Variants in ATP2C1 observed in about 807,000 individuals in gnomAD.
The protein encoded by ATP2C1 is calcium-transporting ATPase type 2C member 1.
Under a neutral mutation model 120.5 loss-of-function variants are expected in ATP2C1, and 31 were observed. That is an observed-to-expected ratio of 0.26 (90% CI 0.19 to 0.35). The LOEUF is 0.35. ATP2C1 is among the 10% of genes least tolerant of loss of function. The pLI, the probability that ATP2C1 is intolerant of heterozygous loss-of-function variation, is 1.00. For missense variants in ATP2C1, 731 were observed against 1,107.5 expected (o/e 0.66, Z 4.83); for synonymous variants, 351 against 358.7 (o/e 0.98, Z 0.24).
At position 130,992,539 on chromosome 3, in the gene ATP2C1, A is replaced by G. The variant is rs73201937; in HGVS notation, c.1840-412A>G. 1.7e-3 allele frequency among the ~76,000 whole-genome samples: 261 copies of G among 152,332 alleles called. 1 individual carries two copies. Among genetic ancestry groups the G allele is most frequent in the Non-Finnish European group, 3.1e-3 (214 of 68,024 alleles). On this transcript the variant is annotated intron_variant, in intron 20 of 27. Coordinates refer to ENST00000510168, the MANE Select transcript of ATP2C1 (RefSeq NM_001378687.1). The stretch of plus-strand genomic sequence containing the variant: ...TTGACACTGTAAAAAATGGCTCTAC[A>G]GACACTGAGAAGCAGCTGTTCTTTA...
At chr3:130,863,060 A>C (rs1202261678) in intron 1 of ATP2C1, among the ~76,000 whole-genome samples, 1 of 152,200 alleles carries the variant, frequency 6.6e-6, no homozygotes, top group African/African-American at 2.4e-5. Flanking sequence ...GTTGGCTTCC[A>C]AGAAAACCCA....
At chr3:130,919,767 A>G (rs1457903861) in intron 2 of ATP2C1, among the ~76,000 whole-genome samples, 2 of 152,344 alleles carry the variant, frequency 1.3e-5, no homozygotes, top group East Asian at 1.9e-4. Flanking sequence ...AGGAAGCTTC[A>G]TACTTTTTTC....
chr3:131,004,028 CTAGAAG>C (rs2063005644), downstream of ATP2C1, among the ~76,000 whole-genome samples: 1 of 152,126 alleles, frequency 6.6e-6, no homozygotes, highest in African/African-American at 2.4e-5. Flanking sequence ...CTGGAGTGTG[CTAGAAG>C]TAGAACGATA....
At chr3:130,980,213 G>A (rs1038193286) in intron 19 of ATP2C1, among the ~76,000 whole-genome samples, 2 of 151,606 alleles carry the variant, frequency 1.3e-5, no homozygotes, top group Admixed American at 6.6e-5. Flanking sequence ...GCCTAGTTTC[G>A]ATTCTTAGGT....
chr3:130,867,753 C>A, intron 1 of ATP2C1, among the ~76,000 whole-genome samples: 1 of 46,190 alleles, frequency 2.2e-5, no homozygotes. Context: ...GGCCACCCAT[C>A]GTCTGGGATA....
intron 2 of ATP2C1, among the ~76,000 whole-genome samples, chr3:130,916,493 G>A (rs1430247809): frequency 6.6e-6 from 1 of 152,106 alleles, no homozygotes; most frequent in Non-Finnish European, 1.5e-5. Context: ...AAAGGTGATT[G>A]ATTAGTAGGG....
chr3:130,912,873 A>T (rs1559913441), intron 2 of ATP2C1, among the ~76,000 whole-genome samples: 1 of 152,118 alleles, frequency 6.6e-6, no homozygotes, highest in African/African-American at 2.4e-5. Flanking sequence ...ACAATGATAG[A>T]CTGGATTAAG....
chr3:130,973,755 T>C (rs1349479274), intron 17 of ATP2C1, among the ~76,000 whole-genome samples: 3 of 152,192 alleles, frequency 2.0e-5, no homozygotes, highest in Non-Finnish European at 4.4e-5. Context: ...ACTACTTTAA[T>C]TTCTTTATAC....
chr3:130,965,249 G>C (rs1302849608), intron 14 of ATP2C1, among the ~76,000 whole-genome samples: 1 of 151,854 alleles, frequency 6.6e-6, no homozygotes, highest in Non-Finnish European at 1.5e-5. Context: ...ATTCCTCCTT[G>C]ACATCTCTCT....
chr3:130,924,537 T>C (rs2059116710), intron 2 of ATP2C1, among the ~76,000 whole-genome samples: 1 of 152,198 alleles, frequency 6.6e-6, no homozygotes, highest in Non-Finnish European at 1.5e-5. Flanking sequence ...TAGGTAATGA[T>C]GACTATGTGC....
rs1212311675 is a variant in ATP2C1, at chr3:130,888,505, ACAATTGGGATGGTC to A, written c.108+37580_108+37593del. Reference sequence around the variant, plus strand: ...GGCTTGCCAAAAAACTCAAGTTCTGACAATTGGGATGGTCCATTCCCCTCTGGCTAGGTCTGGTC... The same window carrying A: ...GGCTTGCCAAAAAACTCAAGTTCTGACATTCCCCTCTGGCTAGGTCTGGTC... On this transcript the variant is annotated intron_variant, in intron 1 of 26. Transcript: ENST00000504381. Among the ~76,000 whole-genome samples the A allele has an allele frequency of 2.0e-5, 3 of 152,314 alleles. No homozygotes were observed. The East Asian group carries it at 5.8e-4, about 29-fold the overall frequency.
intron 8 of ATP2C1, among the ~76,000 whole-genome samples, chr3:130,948,261 T>A (rs991149459): frequency 6.6e-5 from 10 of 151,424 alleles, no homozygotes; most frequent in Non-Finnish European, 1.2e-4. Flanking sequence ...ATGAACTCTT[T>A]TTGCTTTTGT....
chr3:130,884,398 G>A (rs1206400971), intron 1 of ATP2C1, among the ~76,000 whole-genome samples: 1 of 152,168 alleles, frequency 6.6e-6, no homozygotes, highest in African/African-American at 2.4e-5. Context: ...TTTGGGGAAC[G>A]TTTAAGACTT....
chr3:130,976,696 C>G lies in ATP2C1; in HGVS notation c.1570+1208C>G, dbSNP rs540577618. ...GAATCTGGAACATGCCCTGGATCCC[C>G]CCACCTCAGTCCTCAAGCTTTCTGG... On this transcript the variant is annotated intron_variant, in intron 18 of 27. Coordinates refer to ENST00000510168, the MANE Select transcript of ATP2C1 (RefSeq NM_001378687.1). Among the ~76,000 whole-genome samples the G allele has an allele frequency of 7.9e-5, 12 of 152,254 alleles. No homozygotes were observed. The South Asian group carries it at 2.3e-3, about 29-fold the overall frequency.
At chr3:130,900,151 C>T (rs1026614448) in intron 2 of ATP2C1, among the ~76,000 whole-genome samples, 3 of 152,162 alleles carry the variant, frequency 2.0e-5, no homozygotes, top group African/African-American at 4.8e-5. Context: ...AAGCCCCTAA[C>T]TCCTGGACTA....
At position 130,955,351 on chromosome 3, in the gene ATP2C1, A is replaced by G. The variant is rs1431248940; in HGVS notation, c.756+271A>G. Reference sequence around the variant, plus strand: ...CTTATTTGTAGATCTTATTATTTTCAGAAATTAGTGTTGTGGTAATTTTAA... The same window carrying G: ...CTTATTTGTAGATCTTATTATTTTCGGAAATTAGTGTTGTGGTAATTTTAA... On this transcript the variant is annotated intron_variant, in intron 10 of 27. Coordinates refer to ENST00000510168, the MANE Select transcript of ATP2C1 (RefSeq NM_001378687.1). 2.0e-5 allele frequency among the ~76,000 whole-genome samples: 3 copies of G among 152,126 alleles called. No homozygotes were observed. The East Asian group carries it at 5.8e-4, about 29-fold the overall frequency.
At chr3:130,881,511 A>G (rs193159135) in intron 1 of ATP2C1, among the ~76,000 whole-genome samples, 1 of 152,044 alleles carries the variant, frequency 6.6e-6, no homozygotes, top group Non-Finnish European at 1.5e-5. Context: ...GGTGCACACC[A>G]CCATGCCCAG....
intron 1 of ATP2C1, among the ~76,000 whole-genome samples, chr3:130,867,140 T>C (rs1280964408): frequency 6.6e-6 from 1 of 152,202 alleles, no homozygotes; most frequent in African/African-American, 2.4e-5. Context: ...CACTGACCAG[T>C]GATTTCCCCA....
chr3:130,956,796 G>A (rs2060599795), intron 11 of ATP2C1, among the ~76,000 whole-genome samples: 2 of 152,218 alleles, frequency 1.3e-5, no homozygotes, highest in Admixed American at 1.3e-4. Context: ...TGATTTCACA[G>A]TTCATTATTA....
Sources: allele counts gnomAD v4.1 joint callset (sites outside exome capture counted in the v4.1 genomes callset), GRCh38; gene constraint gnomAD v4.1.1; transcripts MANE v1.5; gene names NCBI Gene and HGNC (gene_info 2026-07-23, HGNC 2026-07-21).